Variants in CCNB1IP1 observed in about 807,000 individuals in gnomAD.
CCNB1IP1 encodes the protein cyclin B1 interacting protein 1.
A neutral mutation model predicts 25.6 loss-of-function variants in CCNB1IP1; 14 were observed. The ratio of observed to expected loss-of-function variants is 0.55; its 90% CI spans 0.36 to 0.85. The LOEUF (loss-of-function observed/expected upper bound fraction) is 0.85, where lower values mean the gene tolerates loss of function less well. Among genes scored for constraint, CCNB1IP1 ranks in the 40% least tolerant of loss-of-function variants. CCNB1IP1 has a pLI of 0.01. For missense variants in CCNB1IP1, 278 were observed against 342.4 expected, an observed-to-expected ratio of 0.81 and a Z score of 1.48; for synonymous variants, 119 against 116.1, an observed-to-expected ratio of 1.02 and a Z score of -0.16.
Position 20,313,783 on chromosome 14 carries a change from A to G in CCNB1IP1, c.316T>C (p.Tyr106His), listed in dbSNP as rs372657479. ...GCCTTGCTGAAATTGTATTCTTGAT[A>G]GAGACGTTCCTGATGTACCTGGTTC... is the stretch of plus-strand genomic sequence containing the variant. Reference protein sequence around the residue: ...WTYQVHQERLYQEYNFSKAEG... With the variant: ...WTYQVHQERLHQEYNFSKAEG... The change falls in exon 6 of 7, where the codon TAT (tyrosine) becomes CAT (histidine). Residue 106 changes from tyrosine (Y) to histidine (H), a missense_variant. Tyr to His is a moderately conservative substitution (Grantham distance 83). Coordinates refer to ENST00000358932, the MANE Select transcript of CCNB1IP1 (RefSeq NM_021178.5). 39 of 1,582,478 alleles carry G rather than the reference A, an allele frequency of 2.5e-5. No homozygotes were observed. The highest frequency in any genetic ancestry group is 7.4e-5 in the Admixed American group (4 of 53,794).
In CCNB1IP1 at chr14:20,328,424, T is replaced by C. The variant is rs114859472; in HGVS notation, c.-231+750A>G. ...GTTATTTTACTCCTTCCTTGCCCTA[T>C]ACTTAGCTTTAACTATGTAAAATGT... On this transcript the variant is annotated intron_variant, in intron 2 of 6. Coordinates refer to ENST00000358932, the MANE Select transcript of CCNB1IP1 (RefSeq NM_021178.5). Among the ~76,000 whole-genome samples the C allele has an allele frequency of 3.5e-3, 538 of 152,340 alleles. 2 individuals are homozygous for C. Among genetic ancestry groups the C allele is most frequent in the Middle Eastern group, 0.027 (8 of 294 alleles).
At chr14:20,317,355 G>A (rs61995513) in intron 4 of CCNB1IP1, among the ~76,000 whole-genome samples, 6,936 of 152,194 alleles carry the variant, frequency 0.046, 228 homozygotes, top group Middle Eastern at 0.1. Flanking sequence ...GCAGTGAGCC[G>A]GGATCGCGCC....
chr14:20,317,138 G>A (rs1384284663), intron 4 of CCNB1IP1, among the ~76,000 whole-genome samples: 4 of 152,138 alleles, frequency 2.6e-5, no homozygotes, highest in Middle Eastern at 6.8e-3. Flanking sequence ...GCTGGGCGCG[G>A]TGGCTCACCC....
intron 3 of CCNB1IP1, 71 bp downstream of exon 3, chr14:20,326,645 G>A (rs920702403): frequency 1.1e-5 from 4 of 379,884 alleles, no homozygotes; most frequent in African/African-American, 2.1e-5. Flanking sequence ...TAATAACACC[G>A]AGTCCCAAGT....
At chr14:20,329,831 G>C (rs1883181127) in intron 1 of CCNB1IP1, among the ~76,000 whole-genome samples, 1 of 152,120 alleles carries the variant, frequency 6.6e-6, no homozygotes. Flanking sequence ...TACTAAACTA[G>C]ATTTTAATCC....
intron 4 of CCNB1IP1, among the ~76,000 whole-genome samples, chr14:20,317,017 G>A (rs1347086201): frequency 6.6e-6 from 1 of 152,200 alleles, no homozygotes; most frequent in Non-Finnish European, 1.5e-5. Context: ...GCTGAGGCAG[G>A]AGAATCACTT....
rs186988829 is a variant in CCNB1IP1 at position 20,326,870 on chromosome 14, C to A, written c.-230-77G>T. On this transcript the variant is annotated intron_variant, in intron 2 of 6. Transcript: ENST00000358932. ...CAACTCACACCAGCATGTTCTATAC[C>A]AAGTCACAAGAAAATTTAGAGTAAC... is the stretch of plus-strand genomic sequence containing the variant. 7.3e-4 allele frequency: 130 copies of A among 178,746 alleles called. 2 individuals are homozygous for A. The highest frequency in any genetic ancestry group is 8.4e-5 in the Non-Finnish European group (7 of 82,860). 11.1% of individuals were successfully genotyped at this position (178,746 alleles called of 1,614,324 possible).
intron 4 of CCNB1IP1, among the ~76,000 whole-genome samples, chr14:20,316,958 A>T (rs1300102829): frequency 6.6e-6 from 1 of 152,070 alleles, no homozygotes; most frequent in Non-Finnish European, 1.5e-5. Context: ...AAAATACAAA[A>T]ATTAGCCAGG....
chr14:20,323,129 T>A (rs1235174733), intron 4 of CCNB1IP1: 2 of 152,244 alleles, frequency 1.3e-5, no homozygotes, highest in Non-Finnish European at 2.9e-5. Context: ...TTCTTTTATT[T>A]TTTTAATCAC....
chr14:20,316,619 AAAAG>A (rs768928095), intron 4 of CCNB1IP1, 59 bp from the exon 5 acceptor site: 50 of 931,108 alleles, frequency 5.4e-5, no homozygotes, highest in Non-Finnish European at 7.6e-5. Flanking sequence ...ATAAAAGTAA[AAAAG>A]AAATATAACA....
At position 20,311,532 on chromosome 14, in the gene CCNB1IP1, C is replaced by G. The variant is rs181714795; in HGVS notation, c.*18G>C. On this transcript the variant is annotated 3_prime_UTR_variant, in exon 7 of 7. Transcript: ENST00000358932. ...TCCTAAGTAGCTGGGATCACAGGTG[C>G]GTGACACTATGCGTGGCTCAAATTC... 3.1e-5 allele frequency: 50 copies of G among 1,605,942 alleles called. No individual in the cohort carries two copies. In the Admixed American group the frequency reaches 3.3e-4, roughly 11 times the overall value.
intron 1 of CCNB1IP1, among the ~76,000 whole-genome samples, chr14:20,330,164 G>A (rs1246505015): frequency 6.6e-6 from 1 of 151,030 alleles, no homozygotes; most frequent in African/African-American, 2.4e-5. Context: ...GGATGCTGCT[G>A]GGGGCCATTA....
chr14:20,317,862 G>A (rs770447185), intron 4 of CCNB1IP1: 5 of 152,264 alleles, frequency 3.3e-5, no homozygotes, highest in African/African-American at 2.4e-5. Flanking sequence ...AAGATTCCAG[G>A]ATTCTCTGCG....
At chr14:20,316,076 A>G in intron 5 of CCNB1IP1, 151 bp downstream of exon 5, 1 of 685,130 alleles carries the variant, frequency 1.5e-6, no homozygotes, top group South Asian at 2.4e-5. Flanking sequence ...ATTTTCAACA[A>G]TAAACAGTAT....
At chr14:20,312,771 T>G (rs537520800) in intron 6 of CCNB1IP1, among the ~76,000 whole-genome samples, 1 of 150,454 alleles carries the variant, frequency 6.6e-6, no homozygotes, top group Non-Finnish European at 1.5e-5. Context: ...CATACTAGAT[T>G]GTGATTTAAA....
At chr14:20,314,054 G>C (rs373548021) in intron 5 of CCNB1IP1, among the ~76,000 whole-genome samples, 3 of 152,184 alleles carry the variant, frequency 2.0e-5, no homozygotes, top group East Asian at 3.9e-4. Context: ...AAAGAACTGA[G>C]TATTTGTCTT....
Position 20,311,555 on chromosome 14 carries a change from T to C in CCNB1IP1, c.829A>G (p.Ile277Val), listed in dbSNP as rs755728813. 1 of 1,612,772 alleles carries C rather than the reference T, an allele frequency of 6.2e-7. No homozygotes were observed. Residue 277 changes from isoleucine (I) to valine (V), a missense_variant, in exon 7 of 7, where the codon ATT becomes GTT. Transcript: ENST00000358932. ...TGCGTGACACTATGCGTGGCTCAAA[T>C]TCTTTTTACTTTGAAGGCCCTGCTA... is the stretch of plus-strand genomic sequence containing the variant. Reference protein sequence around the residue: ...VSSRAFKVKRI With the variant: ...VSSRAFKVKRV
At chr14:20,323,467 T>C (rs1882961403) in intron 4 of CCNB1IP1, 2 of 151,438 alleles carry the variant, frequency 1.3e-5, no homozygotes, top group African/African-American at 2.4e-5. Context: ...TCCCAGCTAC[T>C]TGGGAGCCTG....
intron 6 of CCNB1IP1, 53 bp downstream of exon 6, chr14:20,313,415 T>C: frequency 7.3e-7 from 1 of 1,371,722 alleles, no homozygotes; most frequent in Non-Finnish European, 1.0e-6. Flanking sequence ...GGCAGAGCAG[T>C]ATAAAAAATC....
Sources: gnomAD v4.1 joint callset for allele counts (sites outside exome capture counted in the v4.1 genomes callset) on GRCh38, gnomAD v4.1.1 for gene constraint, MANE v1.5 for transcripts, NCBI Gene and HGNC (gene_info 2026-07-23, HGNC 2026-07-21) for gene names.